The following ANKRD44 variants were observed in gnomAD, a reference collection of about 807,000 sequenced individuals.
ANKRD44 encodes the protein serine/threonine-protein phosphatase 6 regulatory ankyrin repeat subunit B.
A neutral mutation model predicts 116.0 loss-of-function variants in ANKRD44; 35 were observed. That is an observed-to-expected ratio of 0.30 (90% CI 0.23 to 0.40). The LOEUF (loss-of-function observed/expected upper bound fraction) is 0.40, where lower values mean the gene tolerates loss of function less well. ANKRD44 is among the 10% of genes least tolerant of loss of function. The pLI is 1.00. For synonymous variants in ANKRD44, 435 were observed against 461.8 expected (o/e 0.94, Z 0.74); for missense variants, 1,014 against 1,242.6 (o/e 0.82, Z 2.77).
intron 16 of ANKRD44, among the ~76,000 whole-genome samples, chr2:197,031,630 A>G (rs2076709971): frequency 6.6e-6 from 1 of 152,258 alleles, no homozygotes; most frequent in Admixed American, 6.5e-5. Flanking sequence ...CTTTCTAGTC[A>G]ATACATGTGG....
chr2:197,198,436 G>A (rs1474090673), intron 1 of ANKRD44, among the ~76,000 whole-genome samples: 1 of 152,154 alleles, frequency 6.6e-6, no homozygotes, highest in East Asian at 1.9e-4. Context: ...AAAGGGCTCT[G>A]GGGATGGAGT....
chr2:196,989,298 A>C lies in ANKRD44; in HGVS notation c.*293T>G. 1.0e-6 allele frequency: 1 copy of C among 998,464 alleles called. No individual in the cohort carries two copies. The highest frequency in any genetic ancestry group is 9.9e-5 in the East Asian group (1 of 10,142). 61.9% of individuals were successfully genotyped at this position (998,464 alleles called of 1,614,324 possible). On this transcript the variant is annotated 3_prime_UTR_variant, in exon 28 of 28. Transcript: ENST00000282272. ...TTTGGCAAAAAAAAAAAAAAAGGTC[A>C]GCACATCATCAGTTACAAATGTTAA...
chr2:197,025,297 G>A lies in ANKRD44; in HGVS notation c.1651-30C>T, dbSNP rs116293297. ...GGAGACAAAAAGCAAACAATAGTAC[G>A]TGAGTCCAAATTTTGCAAAATGTTG... On this transcript the variant is annotated intron_variant, in intron 16 of 27. Coordinates refer to ENST00000282272, the MANE Select transcript of ANKRD44 (RefSeq NM_001195144.2). 8.2e-4 allele frequency: 1,305 copies of A among 1,586,308 alleles called. 9 individuals carry two copies. In the African/African-American group the frequency reaches 0.016, roughly 19 times the overall value.
chr2:197,197,638 C>T (rs2080983544), intron 1 of ANKRD44, among the ~76,000 whole-genome samples: 1 of 151,904 alleles, frequency 6.6e-6, no homozygotes, highest in Non-Finnish European at 1.5e-5. Context: ...GGTGAAACCA[C>T]ATCTCCACTA....
intron 10 of ANKRD44, chr2:197,099,506 CT>C (rs2078240053): frequency 9.5e-7 from 1 of 1,055,234 alleles, no homozygotes; most frequent in African/African-American, 1.7e-5. Context: ...TTTATTTTTC[CT>C]GTTTAATATG....
At chr2:197,268,566 T>G (rs533728615) in intron 1 of ANKRD44, among the ~76,000 whole-genome samples, 1 of 152,348 alleles carries the variant, frequency 6.6e-6, no homozygotes, top group Admixed American at 6.5e-5. Context: ...AGGAAAGGAA[T>G]TGTAGTCACA....
chr2:197,197,698 G>A (rs149833024), intron 1 of ANKRD44, among the ~76,000 whole-genome samples: 81 of 151,316 alleles, frequency 5.4e-4, no homozygotes, highest in African/African-American at 1.7e-3. Context: ...TAGTCCCAGC[G>A]ACTCGGGAGG....
chr2:197,002,056 C>T (rs776939092), intron 21 of ANKRD44, among the ~76,000 whole-genome samples: 2 of 152,182 alleles, frequency 1.3e-5, no homozygotes, highest in Non-Finnish European at 2.9e-5. Flanking sequence ...CAATGAAGGT[C>T]ATATGGTCTG....
intron 2 of ANKRD44, among the ~76,000 whole-genome samples, chr2:197,149,989 A>T (rs2079601579): frequency 6.6e-6 from 1 of 152,214 alleles, no homozygotes; most frequent in Non-Finnish European, 1.5e-5. Context: ...GGTGTCTAGA[A>T]GAAGAAACAA....
intron 9 of ANKRD44, among the ~76,000 whole-genome samples, 199 bp from the exon 10 acceptor site, chr2:197,100,129 C>T (rs1438371050): frequency 6.6e-6 from 1 of 152,204 alleles, no homozygotes; most frequent in Non-Finnish European, 1.5e-5. Context: ...TCTGCGTAGA[C>T]AGAAGTCTAT....
At chr2:197,037,043 T>A (rs561444247) in intron 16 of ANKRD44, among the ~76,000 whole-genome samples, 1 of 152,250 alleles carries the variant, frequency 6.6e-6, no homozygotes, top group South Asian at 2.1e-4. Flanking sequence ...ATGAAAAAAA[T>A]CAGCATACAG....
At chr2:197,087,956 C>A (rs2077963781) in intron 12 of ANKRD44, among the ~76,000 whole-genome samples, 1 of 152,116 alleles carries the variant, frequency 6.6e-6, no homozygotes, top group South Asian at 2.1e-4. Context: ...ATTTATCCAC[C>A]TCTGATAAAT....
chr2:197,218,751 C>CTGTTTTTTTTTTTT, intron 1 of ANKRD44, among the ~76,000 whole-genome samples: 1 of 52,338 alleles, frequency 1.9e-5, no homozygotes, highest in Non-Finnish European at 3.5e-5. Context: ...GGTAAAGTCC[C>CTGTTTTTTTTTTTT]TTTTTTTTTT....
intron 1 of ANKRD44, among the ~76,000 whole-genome samples, chr2:197,214,528 A>G (rs1441325654): frequency 6.6e-6 from 1 of 152,218 alleles, no homozygotes; most frequent in African/African-American, 2.4e-5. Flanking sequence ...GAGAAAAAAG[A>G]CCAAGTCAGT....
At chr2:197,290,287 G>T (rs908229158) in intron 1 of ANKRD44, among the ~76,000 whole-genome samples, 5 of 152,096 alleles carry the variant, frequency 3.3e-5, no homozygotes, top group Admixed American at 2.6e-4. Context: ...TTTAATTACG[G>T]CTATTCTTGC....
At chr2:197,193,102 G>A (rs533421116) in intron 1 of ANKRD44, among the ~76,000 whole-genome samples, 8 of 152,176 alleles carry the variant, frequency 5.3e-5, no homozygotes, top group Middle Eastern at 3.4e-3. Flanking sequence ...TTAGAAAATG[G>A]AGAAAATTAA....
At chr2:197,072,548 T>C (rs2077582955) in intron 16 of ANKRD44, among the ~76,000 whole-genome samples, 1 of 152,200 alleles carries the variant, frequency 6.6e-6, no homozygotes, top group African/African-American at 2.4e-5. Flanking sequence ...AACAGGACAG[T>C]TGCTATATAC....
chr2:196,977,033 T>G (rs1309770096), intron 21 of ANKRD44, among the ~76,000 whole-genome samples: 2 of 152,130 alleles, frequency 1.3e-5, no homozygotes, highest in Non-Finnish European at 2.9e-5. Context: ...ATACTGGCAA[T>G]GAACAATCTG....
intron 2 of ANKRD44, among the ~76,000 whole-genome samples, chr2:197,181,521 A>G (rs557946276): frequency 6.6e-6 from 1 of 152,340 alleles, no homozygotes; most frequent in Admixed American, 6.5e-5. Context: ...CCAGGCATGG[A>G]GAGGAAGTTT....
Sources: gnomAD v4.1 joint callset for allele counts (sites outside exome capture counted in the v4.1 genomes callset) on GRCh38, gnomAD v4.1.1 for gene constraint, MANE v1.5 for transcripts, NCBI Gene and HGNC (gene_info 2026-07-23, HGNC 2026-07-21) for gene names.